Variants in ZFYVE9 observed in about 807,000 individuals in gnomAD.
ZFYVE9 encodes the protein zinc finger FYVE-type containing 9.
A neutral mutation model predicts 126.7 loss-of-function variants in ZFYVE9; 43 were observed. The observed-to-expected ratio is 0.34, with a 90% CI of 0.27 to 0.44. The LOEUF (loss-of-function observed/expected upper bound fraction) is 0.44, where lower values mean the gene tolerates loss of function less well. Among genes scored for constraint, ZFYVE9 ranks in the 20% least tolerant of loss-of-function variants. The pLI is 1.00. For synonymous variants in ZFYVE9, 521 were observed against 597.4 expected, an observed-to-expected ratio of 0.87 and a Z score of 1.87; for missense variants, 1,476 against 1,697.0, an observed-to-expected ratio of 0.87 and a Z score of 2.29.
chr1:52,177,426 G>A (rs558578716), intron 1 of ZFYVE9, among the ~76,000 whole-genome samples: 4 of 152,170 alleles, frequency 2.6e-5, no homozygotes, highest in Admixed American at 6.5e-5. Context: ...GATTACAGGC[G>A]TGAGCCACTG....
intron 7 of ZFYVE9, among the ~76,000 whole-genome samples, chr1:52,270,016 C>T (rs550607917): frequency 6.6e-6 from 1 of 151,806 alleles, no homozygotes; most frequent in Non-Finnish European, 1.5e-5. Flanking sequence ...CCCATATACT[C>T]TTCACCTATC....
intron 4 of ZFYVE9, among the ~76,000 whole-genome samples, chr1:52,262,140 G>C (rs1349495472): frequency 6.6e-6 from 1 of 152,180 alleles, no homozygotes; most frequent in African/African-American, 2.4e-5. Context: ...TTGGTATCTG[G>C]CGAGGGCCTG....
intron 9 of ZFYVE9, among the ~76,000 whole-genome samples, chr1:52,280,732 A>G (rs1176655744): frequency 6.6e-6 from 1 of 152,216 alleles, no homozygotes; most frequent in Non-Finnish European, 1.5e-5. Flanking sequence ...TTTTTACAGC[A>G]TGAAGCCAAG....
chr1:52,302,130 G>A (rs1221414270), intron 12 of ZFYVE9, among the ~76,000 whole-genome samples: 4 of 151,974 alleles, frequency 2.6e-5, no homozygotes, highest in Non-Finnish European at 5.9e-5. Flanking sequence ...TTCTGGCTCC[G>A]TTTCCATGGA....
At position 52,164,164 on chromosome 1, in the gene ZFYVE9, A is replaced by G. The variant is rs527715791; in HGVS notation, c.-143+21761A>G. On this transcript the variant is annotated intron_variant, in intron 1 of 18. Coordinates refer to ENST00000287727, the MANE Select transcript of ZFYVE9 (RefSeq NM_004799.4). ...GAGACGGGTTTTCACCATGTTGCCC[A>G]GACTGAATTTCTACATTTATTGCTT... 1.6e-4 allele frequency among the ~76,000 whole-genome samples: 24 copies of G among 145,540 alleles called. 1 individual carries two copies. In the South Asian group the frequency reaches 5.0e-3, roughly 31 times the overall value.
chr1:52,297,013 G>C (rs146665075), intron 12 of ZFYVE9, among the ~76,000 whole-genome samples: 1 of 151,950 alleles, frequency 6.6e-6, no homozygotes, highest in Non-Finnish European at 1.5e-5. Context: ...TGCTATGTTG[G>C]CCAGACTGAT....
At chr1:52,200,443 A>C (rs1644912997) in intron 1 of ZFYVE9, among the ~76,000 whole-genome samples, 1 of 152,188 alleles carries the variant, frequency 6.6e-6, no homozygotes, top group African/African-American at 2.4e-5. Flanking sequence ...GGCCTCCCAA[A>C]GTGTTGGGAT....
At position 52,154,599 on chromosome 1, in the gene ZFYVE9, C is replaced by T. The variant is rs559797475; in HGVS notation, c.-143+12196C>T. 6.6e-5 allele frequency among the ~76,000 whole-genome samples: 10 copies of T among 152,270 alleles called. No homozygotes were observed. The East Asian group carries it at 1.7e-3, about 26-fold the overall frequency. ...AGATTTTCATACTTTCCACCCACTCCCATATATTCATTCATTTCCCTCCAC... is the reference window on the plus strand; with the variant it reads ...AGATTTTCATACTTTCCACCCACTCTCATATATTCATTCATTTCCCTCCAC... On this transcript the variant is annotated intron_variant, in intron 1 of 18. Coordinates refer to ENST00000287727, the MANE Select transcript of ZFYVE9 (RefSeq NM_004799.4).
At chr1:52,194,432 A>G (rs1644842922) in intron 1 of ZFYVE9, among the ~76,000 whole-genome samples, 1 of 152,198 alleles carries the variant, frequency 6.6e-6, no homozygotes. Flanking sequence ...AACATGATAC[A>G]TATAAGGAAT....
intron 1 of ZFYVE9, among the ~76,000 whole-genome samples, chr1:52,157,217 A>G (rs2124505048): frequency 6.6e-6 from 1 of 151,920 alleles, no homozygotes; most frequent in African/African-American, 2.4e-5. Flanking sequence ...TATATATATG[A>G]GTTTAGATGT....
chr1:52,176,791 C>T (rs1380752695), intron 1 of ZFYVE9, among the ~76,000 whole-genome samples: 14 of 152,272 alleles, frequency 9.2e-5, no homozygotes, highest in East Asian at 3.9e-4. Context: ...TAGGACCCTC[C>T]GAGCCAGGTG....
intron 13 of ZFYVE9, among the ~76,000 whole-genome samples, chr1:52,313,063 G>A (rs1320463115): frequency 2.0e-5 from 3 of 152,180 alleles, no homozygotes; most frequent in African/African-American, 7.2e-5. Context: ...CCAACTACAA[G>A]CCAAGGATAG....
chr1:52,178,305 G>C (rs1315720663), intron 1 of ZFYVE9, among the ~76,000 whole-genome samples: 1 of 143,806 alleles, frequency 7.0e-6, no homozygotes, highest in Non-Finnish European at 1.5e-5. Flanking sequence ...AAAAAAAAAG[G>C]TAGGCTACTT....
chr1:52,245,357 C>A (rs975906451), intron 4 of ZFYVE9, among the ~76,000 whole-genome samples: 3 of 151,866 alleles, frequency 2.0e-5, no homozygotes, highest in Admixed American at 6.6e-5. Flanking sequence ...TGAACAGTTA[C>A]AAAGCTGCAG....
intron 2 of ZFYVE9, among the ~76,000 whole-genome samples, chr1:52,223,182 C>A (rs1368633466): frequency 6.6e-6 from 1 of 152,174 alleles, no homozygotes; most frequent in African/African-American, 2.4e-5. Context: ...CTTCAAATGT[C>A]ATGAGTGGAA....
At chr1:52,338,069 C>T (rs1646404839) in intron 16 of ZFYVE9, 135 bp downstream of exon 16, 11 of 1,132,746 alleles carry the variant, frequency 9.7e-6, no homozygotes, top group African/African-American at 7.8e-5. Flanking sequence ...GTATGCTTAA[C>T]GTAGAATTTT....
intron 1 of ZFYVE9, among the ~76,000 whole-genome samples, chr1:52,157,624 GAA>G (rs1644416121): frequency 6.6e-6 from 1 of 151,606 alleles, no homozygotes; most frequent in African/African-American, 2.4e-5. Flanking sequence ...GGCTGGTCTT[GAA>G]TTCCTGACCT....
intron 4 of ZFYVE9, among the ~76,000 whole-genome samples, chr1:52,255,953 CT>C (rs1286999133): frequency 0.012 from 1,205 of 101,084 alleles, 46 homozygotes; most frequent in African/African-American, 0.053. Context: ...CTTTTCTTTT[CT>C]TTTCTTTTCT....
At position 52,233,249 on chromosome 1, in the gene ZFYVE9, G is replaced by A. The variant is rs1645241282; in HGVS notation, c.43G>A (p.Val15Met). ...FQAEAYNLDK[V>M]LDEFEQNEDE... ...AGCAGAAGCTTACAACCTGGACAAG[G>A]TGTTAGATGAATTTGAACAAAACGA... Residue 15 changes from valine to methionine, a missense_variant, in exon 3 of 19, where the codon GTG (valine) becomes ATG (methionine). This residue lies in a region of ZFYVE9 where 807 missense variants were observed against 794.6 expected (regional missense o/e 1.02). Coordinates refer to ENST00000287727, the MANE Select transcript of ZFYVE9 (RefSeq NM_004799.4). The A allele has an allele frequency of 1.9e-6, 3 of 1,584,282 alleles. No individual in the cohort carries two copies. The highest frequency in any genetic ancestry group is 2.6e-6 in the Non-Finnish European group (3 of 1,162,494).
Sources: gnomAD v4.1 joint callset for allele counts (sites outside exome capture counted in the v4.1 genomes callset) on GRCh38, gnomAD v4.1.1 for gene constraint, gnomAD v4.1.1 regional missense constraint, MANE v1.5 for transcripts, NCBI Gene and HGNC (gene_info 2026-07-23, HGNC 2026-07-21) for gene names.